The following LRRC69 variants were observed in gnomAD, a reference collection of about 807,000 sequenced individuals.
The protein encoded by LRRC69 is leucine-rich repeat-containing protein 69.
LRRC69 carries 42 observed loss-of-function variants against 37.8 expected under a neutral mutation model. That is an observed-to-expected ratio of 1.11 (90% CI 0.87 to 1.44). The LOEUF (loss-of-function observed/expected upper bound fraction) is 1.44. Ranked by LOEUF, LRRC69 falls within the 40% of genes most tolerant of loss-of-function variation. The pLI is 0.00. For missense variants in LRRC69, 357 were observed against 401.9 expected (o/e 0.89, Z 0.96); for synonymous variants, 141 against 143.1 (o/e 0.99, Z 0.11).
intron 7 of LRRC69, among the ~76,000 whole-genome samples, chr8:91,204,213 A>G (rs543294253): frequency 1.3e-5 from 2 of 152,166 alleles, no homozygotes; most frequent in African/African-American, 4.8e-5. Context: ...CTGTCCCAGT[A>G]CCACAGGGAA....
intron 6 of LRRC69, among the ~76,000 whole-genome samples, chr8:91,197,215 G>A (rs527645055): frequency 6.6e-5 from 10 of 152,284 alleles, no homozygotes; most frequent in East Asian, 5.8e-4. Flanking sequence ...ATCTCCAGCC[G>A]CGTGCTGGGA....
chr8:91,127,727 G>A (rs1023347716), intron 3 of LRRC69, among the ~76,000 whole-genome samples: 2 of 151,442 alleles, frequency 1.3e-5, no homozygotes, highest in Non-Finnish European at 2.9e-5. Flanking sequence ...ACGCTCTTGG[G>A]CTTTTCCTCT....
intron 3 of LRRC69, among the ~76,000 whole-genome samples, chr8:91,128,231 C>A (rs1018218582): frequency 6.6e-6 from 1 of 152,050 alleles, no homozygotes; most frequent in Non-Finnish European, 1.5e-5. Context: ...CTACTTTGAA[C>A]TGCTGCCTTC....
In LRRC69 at chr8:91,149,351, C is replaced by T. The variant is rs547113967; in HGVS notation, c.651+13612C>T. ...ATTTATTAAATAGGGAATCCTTTCT[C>T]CATTTCTTGTTTTTGTCAGGTTTGT... is the stretch of plus-strand genomic sequence containing the variant. On this transcript the variant is annotated intron_variant, in intron 5 of 7. Transcript: ENST00000448384. Among the ~76,000 whole-genome samples the T allele has an allele frequency of 7.2e-5, 11 of 152,128 alleles. No individual in the cohort carries two copies. In the South Asian group the frequency reaches 2.3e-3, roughly 31 times the overall value.
chr8:91,169,521 TA>T lies in LRRC69; in HGVS notation c.652-19999del, dbSNP rs573191825. On this transcript the variant is annotated intron_variant, in intron 5 of 7. Coordinates refer to ENST00000448384, the Ensembl canonical transcript of LRRC69. The stretch of plus-strand genomic sequence containing the variant: ...GAGTACATGTACATATGTGTGTATA[TA>T]ATTTTTTTTTTATTATACCTTAAGT... Among the ~76,000 whole-genome samples, 65 of 110,114 alleles carry T rather than the reference TA, an allele frequency of 5.9e-4. 1 individual carries two copies. In the South Asian group the frequency reaches 0.025, roughly 42 times the overall value. 72.2% of individuals were successfully genotyped at this position (110,114 alleles called of 152,430 possible).
intron 5 of LRRC69, among the ~76,000 whole-genome samples, chr8:91,147,891 A>C (rs1808651261): frequency 6.6e-6 from 1 of 151,382 alleles, no homozygotes; most frequent in South Asian, 2.1e-4. Context: ...CTTGGTGTGT[A>C]TTGTTCCCTT....
intron 7 of LRRC69, among the ~76,000 whole-genome samples, chr8:91,203,144 AGCTATAGACT>A (rs1809738597): frequency 6.6e-6 from 1 of 152,062 alleles, no homozygotes; most frequent in Non-Finnish European, 1.5e-5. Context: ...GCAACCTGGA[AGCTATAGACT>A]CCTATCTAGT....
intron 5 of LRRC69, among the ~76,000 whole-genome samples, chr8:91,139,480 G>T (rs1808495377): frequency 6.6e-6 from 1 of 150,466 alleles, no homozygotes; most frequent in South Asian, 2.1e-4. Flanking sequence ...TCTCCATGTT[G>T]GTCAGGCTGG....
intron 6 of LRRC69, among the ~76,000 whole-genome samples, chr8:91,191,304 T>C (rs982946240): frequency 6.6e-6 from 1 of 152,122 alleles, no homozygotes; most frequent in African/African-American, 2.4e-5. Flanking sequence ...GAGTAACAGT[T>C]GTATTTAATT....
At chr8:91,199,582 A>G (rs929375521) in intron 6 of LRRC69, among the ~76,000 whole-genome samples, 2 of 152,066 alleles carry the variant, frequency 1.3e-5, no homozygotes, top group Non-Finnish European at 2.9e-5. Flanking sequence ...GTATATATGT[A>G]TTTTCAAAAA....
chr8:91,107,327 G>A (rs1264913444), intron 1 of LRRC69, among the ~76,000 whole-genome samples: 1 of 150,742 alleles, frequency 6.6e-6, no homozygotes, highest in Non-Finnish European at 1.5e-5. Flanking sequence ...TAGTAGAGAC[G>A]GGGTTTCGCC....
At chr8:91,197,350 G>A (rs371523825) in intron 6 of LRRC69, among the ~76,000 whole-genome samples, 1 of 152,166 alleles carries the variant, frequency 6.6e-6, no homozygotes. Flanking sequence ...CAGGCCTCCT[G>A]GAGCTGTGGT....
intron 1 of LRRC69, among the ~76,000 whole-genome samples, chr8:91,108,725 T>C (rs898723972): frequency 2.6e-5 from 4 of 151,950 alleles, no homozygotes; most frequent in African/African-American, 9.7e-5. Flanking sequence ...TGAGATGTTT[T>C]TGTTATTTAT....
At chr8:91,159,007 A>G (rs1808888584) in intron 5 of LRRC69, among the ~76,000 whole-genome samples, 1 of 151,192 alleles carries the variant, frequency 6.6e-6, no homozygotes, top group Non-Finnish European at 1.5e-5. Flanking sequence ...GTCTAATCAT[A>G]TCACCACTAT....
At chr8:91,214,049 A>C (rs979453409) in intron 7 of LRRC69, among the ~76,000 whole-genome samples, 2 of 152,150 alleles carry the variant, frequency 1.3e-5, no homozygotes, top group Non-Finnish European at 2.9e-5. Flanking sequence ...AGAAAGAGTC[A>C]CTTGGCAATA....
At chr8:91,140,998 T>C (rs1808522494) in intron 5 of LRRC69, among the ~76,000 whole-genome samples, 1 of 152,088 alleles carries the variant, frequency 6.6e-6, no homozygotes, top group South Asian at 2.1e-4. Flanking sequence ...ACCTTTTCTT[T>C]ATCGTGTGTT....
At chr8:91,113,502 TA>T (rs1813446855) in intron 1 of LRRC69, among the ~76,000 whole-genome samples, 1 of 152,042 alleles carries the variant, frequency 6.6e-6, no homozygotes, top group Non-Finnish European at 1.5e-5. Flanking sequence ...GAAAATTAGA[TA>T]TCCATATGGA....
At chr8:91,116,644 G>A (rs1017029446) in intron 1 of LRRC69, among the ~76,000 whole-genome samples, 4 of 151,832 alleles carry the variant, frequency 2.6e-5, no homozygotes, top group African/African-American at 9.7e-5. Flanking sequence ...TGGAGGGTAG[G>A]AGTTAGGAAT....
rs1296442052 is a variant in LRRC69, at chr8:91,126,120, G to A, written c.311-968G>A. On this transcript the variant is annotated intron_variant, in intron 2 of 7. Transcript: ENST00000448384. Reference sequence around the variant, plus strand: ...GATGATTCAAGGTCAGAAGTAGTTTGATGTCAGGGAGTTTAATGCTGCCCA... The same window carrying A: ...GATGATTCAAGGTCAGAAGTAGTTTAATGTCAGGGAGTTTAATGCTGCCCA... Among the ~76,000 whole-genome samples the A allele has an allele frequency of 3.0e-4, 46 of 151,970 alleles. 1 individual carries two copies. The highest frequency in any genetic ancestry group is 3.0e-3 in the Admixed American group (45 of 15,228).
Sources: allele counts gnomAD v4.1 joint callset (sites outside exome capture counted in the v4.1 genomes callset), GRCh38; gene constraint gnomAD v4.1.1; transcripts MANE v1.5; gene names NCBI Gene and HGNC (gene_info 2026-07-23, HGNC 2026-07-21).